The following TAX1BP1 variants were observed in gnomAD, a reference collection of about 807,000 sequenced individuals.
The protein encoded by TAX1BP1 is tax1-binding protein 1.
TAX1BP1 carries 62 observed loss-of-function variants against 97.7 expected under a neutral mutation model. That is an observed-to-expected ratio of 0.63 (90% confidence interval 0.52 to 0.78). The LOEUF (loss-of-function observed/expected upper bound fraction) is 0.78, where lower values mean the gene tolerates loss of function less well. Ranked by LOEUF, TAX1BP1 falls within the 30% of genes least tolerant of loss-of-function variation. The pLI is 0.00. For missense variants in TAX1BP1, 867 were observed against 916.1 expected (o/e 0.95, Z 0.69); for synonymous variants, 340 against 304.2 (o/e 1.12, Z -1.23).
At chr7:27,748,245 C>T (rs1787897766) in intron 1 of TAX1BP1, among the ~76,000 whole-genome samples, 1 of 152,134 alleles carries the variant, frequency 6.6e-6, no homozygotes, top group South Asian at 2.1e-4. Flanking sequence ...GAGGGCTAGG[C>T]TTTCCAGGAG....
chr7:27,754,635 C>A (rs760073903), intron 2 of TAX1BP1, among the ~76,000 whole-genome samples: 6 of 152,006 alleles, frequency 3.9e-5, no homozygotes, highest in Non-Finnish European at 7.4e-5. Flanking sequence ...TGCAGTGGTG[C>A]GATCTTGGCT....
intron 13 of TAX1BP1, 114 bp from the exon 14 acceptor site, chr7:27,816,235 A>C: frequency 2.3e-6 from 2 of 884,440 alleles, no homozygotes; most frequent in Non-Finnish European, 3.3e-6. Context: ...TTGCATTCCA[A>C]CTTCATAATA....
At chr7:27,823,946 C>T (rs1406383632) in intron 15 of TAX1BP1, among the ~76,000 whole-genome samples, 1 of 152,060 alleles carries the variant, frequency 6.6e-6, no homozygotes, top group Non-Finnish European at 1.5e-5. Flanking sequence ...GAATTTCATT[C>T]CTTTTGAATA....
At chr7:27,752,522 C>T (rs1788057338) in intron 2 of TAX1BP1, among the ~76,000 whole-genome samples, 1 of 152,054 alleles carries the variant, frequency 6.6e-6, no homozygotes, top group Admixed American at 6.5e-5. Flanking sequence ...GTTAAGAGGA[C>T]AAAGGATACT....
chr7:27,829,339 A>G lies in TAX1BP1; in HGVS notation c.*510A>G, dbSNP rs1782610287. On this transcript the variant is annotated 3_prime_UTR_variant, in exon 17 of 17. Coordinates refer to ENST00000396319, the MANE Select transcript of TAX1BP1 (RefSeq NM_006024.7). Reference sequence around the variant, plus strand: ...AATGATAGGTTTTTAATTTTCAGAAATGGAGCTGCATGTAGAATGAGATCA... The same window carrying G: ...AATGATAGGTTTTTAATTTTCAGAAGTGGAGCTGCATGTAGAATGAGATCA... The G allele has an allele frequency of 6.6e-6, 1 of 152,280 alleles. No individual in the cohort carries two copies. Among genetic ancestry groups the G allele is most frequent in the Non-Finnish European group, 1.5e-5 (1 of 68,056 alleles). 9.4% of individuals were successfully genotyped at this position (152,280 alleles called of 1,614,324 possible). A position where few individuals can be genotyped will look rare whatever the true frequency, so the allele number is the denominator to read the frequency against.
At chr7:27,826,125 A>T (rs962594392) in intron 15 of TAX1BP1, among the ~76,000 whole-genome samples, 1 of 152,222 alleles carries the variant, frequency 6.6e-6, no homozygotes, top group Non-Finnish European at 1.5e-5. Flanking sequence ...TAAGCTCAGC[A>T]GATTCAACTA....
intron 1 of TAX1BP1, among the ~76,000 whole-genome samples, chr7:27,743,400 T>C (rs965650252): frequency 6.6e-6 from 1 of 152,234 alleles, no homozygotes; most frequent in African/African-American, 2.4e-5. Flanking sequence ...TCCTATCGGA[T>C]TAAAGTTTGG....
chr7:27,802,311 A>C (rs1378580470), intron 13 of TAX1BP1, among the ~76,000 whole-genome samples: 1 of 152,198 alleles, frequency 6.6e-6, no homozygotes, highest in Non-Finnish European at 1.5e-5. Flanking sequence ...TGAGGAAATC[A>C]GGTAGGAATA....
Position 27,787,481 on chromosome 7 carries a change from A to C in TAX1BP1, c.916A>C (p.Asn306His). 10 of 1,613,676 alleles carry C rather than the reference A, an allele frequency of 6.2e-6. No individual in the cohort carries two copies. Among genetic ancestry groups the C allele is most frequent in the Non-Finnish European group, 8.5e-6 (10 of 1,179,744 alleles). The change falls in exon 8 of 17, where the codon AAT becomes CAT. Residue 306 changes from asparagine to histidine, a missense_variant. By Grantham distance (68) the Asn-to-His change is moderately conservative. Coordinates refer to ENST00000396319, the MANE Select transcript of TAX1BP1 (RefSeq NM_006024.7). Reference sequence around the variant, plus strand: ...TATGTCAGAGGTCCAGACTTTAAAAAATTTAGATGGGAACAAAGAAAGCGT... The same window carrying C: ...TATGTCAGAGGTCCAGACTTTAAAACATTTAGATGGGAACAAAGAAAGCGT... ...KLMSEVQTLKNLDGNKESVIT... is the reference protein window; with the variant it reads ...KLMSEVQTLKHLDGNKESVIT...
intron 5 of TAX1BP1, among the ~76,000 whole-genome samples, chr7:27,781,417 G>C (rs1789251171): frequency 1.3e-5 from 2 of 152,106 alleles, no homozygotes; most frequent in African/African-American, 2.4e-5. Flanking sequence ...CTACAAACCT[G>C]TACAGCATGT....
intron 5 of TAX1BP1, among the ~76,000 whole-genome samples, chr7:27,775,335 A>G (rs1173136606): frequency 1.3e-5 from 2 of 152,208 alleles, no homozygotes; most frequent in Non-Finnish European, 2.9e-5. Context: ...TTCTTATCAG[A>G]ATATACCAGG....
intron 11 of TAX1BP1, 87 bp downstream of exon 11, chr7:27,794,533 T>C: frequency 1.5e-6 from 2 of 1,377,730 alleles, no homozygotes; most frequent in East Asian, 4.9e-5. Flanking sequence ...AATTTCAGGA[T>C]GTTCATAAAA....
intron 1 of TAX1BP1, among the ~76,000 whole-genome samples, chr7:27,742,480 C>T (rs572139168): frequency 1.3e-5 from 2 of 152,200 alleles, no homozygotes; most frequent in South Asian, 2.1e-4. Context: ...TCAGAGAGCA[C>T]GGGGTTGGTG....
chr7:27,817,123 TA>T, intron 15 of TAX1BP1, 85 bp downstream of exon 15: 2 of 1,478,450 alleles, frequency 1.4e-6, no homozygotes, highest in Non-Finnish European at 1.8e-6. Context: ...TGCATATGTG[TA>T]TCTTTGTGCG....
intron 15 of TAX1BP1, among the ~76,000 whole-genome samples, chr7:27,822,173 A>AAGTCTGAAATC (rs1791003034): frequency 6.6e-6 from 1 of 152,186 alleles, no homozygotes; most frequent in Middle Eastern, 3.2e-3. Flanking sequence ...AAATCTGAGA[A>AAGTCTGAAATC]AGTCTGAAAT....
intron 1 of TAX1BP1, among the ~76,000 whole-genome samples, chr7:27,740,613 C>G (rs1787541272): frequency 6.6e-6 from 1 of 151,744 alleles, no homozygotes; most frequent in African/African-American, 2.4e-5. Flanking sequence ...GCTGGCGACC[C>G]CCGAAGGAAA....
rs1789844368 is a variant in TAX1BP1, at chr7:27,794,459, T to C, written c.1534+13T>C. ...TCACCTTCTGCAGGTAAAAATCTTT[T>C]AGACTTTTTGTGTAGGGTGTCCTAC... On this transcript the variant is annotated intron_variant, in intron 11 of 16. Transcript: ENST00000396319. The C allele has an allele frequency of 5.6e-6, 9 of 1,597,952 alleles. No homozygotes were observed. The highest frequency in any genetic ancestry group is 2.3e-5 in the South Asian group (2 of 87,312).
At chr7:27,805,749 T>C (rs1483971499) in intron 13 of TAX1BP1, among the ~76,000 whole-genome samples, 2 of 152,026 alleles carry the variant, frequency 1.3e-5, no homozygotes, top group African/African-American at 4.8e-5. Flanking sequence ...GGTGAGAGAA[T>C]TGCTTGAACC....
chr7:27,806,398 A>G (rs1396919029), intron 13 of TAX1BP1, among the ~76,000 whole-genome samples: 1 of 150,998 alleles, frequency 6.6e-6, no homozygotes, highest in Non-Finnish European at 1.5e-5. Context: ...TTTTTTTAAC[A>G]TTAAAATTTC....
Sources: gnomAD v4.1 joint callset for allele counts (sites outside exome capture counted in the v4.1 genomes callset) on GRCh38, gnomAD v4.1.1 for gene constraint, MANE v1.5 for transcripts, NCBI Gene and HGNC (gene_info 2026-07-23, HGNC 2026-07-21) for gene names.